The following MCPH1 variants were observed in gnomAD, a reference collection of about 807,000 sequenced individuals.
MCPH1 encodes the protein microcephalin 1.
A neutral mutation model predicts 84.5 loss-of-function variants in MCPH1; 104 were observed. The observed-to-expected ratio is 1.23, with a 90% CI of 1.05 to 1.45. The LOEUF (loss-of-function observed/expected upper bound fraction) is 1.45. Among genes scored for constraint, MCPH1 ranks in the 40% most tolerant of loss-of-function variants. The probability of loss-of-function intolerance (pLI) is 0.00; values close to 1 mark genes in which losing one functional copy is unlikely to be tolerated. For synonymous variants in MCPH1, 514 were observed against 366.8 expected (o/e 1.40, Z -4.58); for missense variants, 1,498 against 1,005.7 (o/e 1.49, Z -6.62).
intron 4 of MCPH1, among the ~76,000 whole-genome samples, chr8:6,434,009 C>A (rs900682659): frequency 1.3e-5 from 2 of 152,252 alleles, no homozygotes; most frequent in East Asian, 3.9e-4. Context: ...ACACATGACC[C>A]GTTTTCCAGC....
intron 9 of MCPH1, among the ~76,000 whole-genome samples, chr8:6,463,474 T>C (rs1034142610): frequency 6.6e-6 from 1 of 152,218 alleles, no homozygotes; most frequent in Non-Finnish European, 1.5e-5. Context: ...GCTCTAATCA[T>C]GTCTTTATTG....
chr8:6,528,878 T>A lies in MCPH1; in HGVS notation c.2214+28949T>A, dbSNP rs150713936. ...TTATCCTTAGAGCTGGTTTAGTTCTTATCACAAAAAGTCTTCTGTGAGAAT... is the reference window on the plus strand; with the variant it reads ...TTATCCTTAGAGCTGGTTTAGTTCTAATCACAAAAAGTCTTCTGTGAGAAT... On this transcript the variant is annotated intron_variant, in intron 12 of 13. Coordinates refer to ENST00000344683, the MANE Select transcript of MCPH1 (RefSeq NM_024596.5). Among the ~76,000 whole-genome samples, 1,234 of 152,350 alleles carry A rather than the reference T, an allele frequency of 8.1e-3. 5 individuals carry two copies. Among genetic ancestry groups the A allele is most frequent in the Middle Eastern group, 0.027 (8 of 294 alleles).
chr8:6,539,011 C>A (rs971052270), intron 12 of MCPH1, among the ~76,000 whole-genome samples: 1 of 144,460 alleles, frequency 6.9e-6, no homozygotes, highest in Non-Finnish European at 1.5e-5. Flanking sequence ...TCTCCTCCCC[C>A]TCCTTTTAGA....
intron 12 of MCPH1, among the ~76,000 whole-genome samples, chr8:6,540,003 G>T (rs1296925023): frequency 2.0e-5 from 3 of 152,168 alleles, no homozygotes; most frequent in African/African-American, 4.8e-5. Context: ...ACTCCAAGAT[G>T]TATTAGGAAA....
chr8:6,644,969 G>C lies in MCPH1; in HGVS notation c.*1920G>C, dbSNP rs1279134301. ...CCCTTATGATACTCATCCTCTAACA[G>C]CAATTGAACTTCAATACAATGAGTC... is the stretch of plus-strand genomic sequence containing the variant. On this transcript the variant is annotated 3_prime_UTR_variant, in exon 14 of 14. Transcript: ENST00000344683. 1 of 152,166 alleles carries C rather than the reference G, an allele frequency of 6.6e-6. No individual in the cohort carries two copies. Among genetic ancestry groups the C allele is most frequent in the Non-Finnish European group, 1.5e-5 (1 of 68,028 alleles). 9.4% of individuals were successfully genotyped at this position (152,166 alleles called of 1,614,324 possible).
chr8:6,417,390 G>C (rs1482596567), intron 3 of MCPH1, among the ~76,000 whole-genome samples: 1 of 83,948 alleles, frequency 1.2e-5, no homozygotes, highest in South Asian at 4.3e-4. Context: ...GCTTGTGTCT[G>C]TGTGGCAGCA....
chr8:6,490,425 G>C (rs969487476), intron 11 of MCPH1, among the ~76,000 whole-genome samples: 4 of 152,082 alleles, frequency 2.6e-5, no homozygotes, highest in East Asian at 1.9e-4. Flanking sequence ...TTATTTCAAG[G>C]CTTCTAAACT....
At chr8:6,453,487 G>T (rs1487538514) in intron 8 of MCPH1, among the ~76,000 whole-genome samples, 1 of 151,228 alleles carries the variant, frequency 6.6e-6, no homozygotes, top group East Asian at 1.9e-4. Context: ...TTTACAGCCT[G>T]TTTCGTTGTT....
At chr8:6,608,528 C>G (rs929522345) in intron 12 of MCPH1, among the ~76,000 whole-genome samples, 4 of 152,162 alleles carry the variant, frequency 2.6e-5, no homozygotes, top group African/African-American at 7.2e-5. Context: ...GGCAGCAGGA[C>G]TCACTTGCTA....
At chr8:6,574,416 C>A (rs1826900720) in intron 12 of MCPH1, among the ~76,000 whole-genome samples, 1 of 152,192 alleles carries the variant, frequency 6.6e-6, no homozygotes, top group African/African-American at 2.4e-5. Context: ...TCCAGGAGGA[C>A]CTCCTCTCAA....
intron 12 of MCPH1, chr8:6,507,994 G>T (rs1455604424): frequency 6.6e-6 from 1 of 152,166 alleles, no homozygotes; most frequent in East Asian, 1.9e-4. Flanking sequence ...GCTTATGAGT[G>T]TGGTTTTCAT....
chr8:6,586,314 G>C (rs1037843270), intron 12 of MCPH1, among the ~76,000 whole-genome samples: 2 of 152,116 alleles, frequency 1.3e-5, no homozygotes, highest in Non-Finnish European at 2.9e-5. Context: ...GACCAACTAA[G>C]TTTCTCAGAC....
chr8:6,477,477 A>C (rs1808626672), intron 9 of MCPH1, 117 bp from the exon 10 acceptor site: 2 of 911,996 alleles, frequency 2.2e-6, no homozygotes, highest in Non-Finnish European at 3.5e-6. Flanking sequence ...CATATGCTTA[A>C]ATGTTTATTT....
intron 11 of MCPH1, among the ~76,000 whole-genome samples, chr8:6,497,881 C>G (rs192703198): frequency 1.1e-4 from 16 of 152,236 alleles, no homozygotes; most frequent in Non-Finnish European, 2.2e-4. Context: ...TTAAGTTGAA[C>G]ACTTAAGGTT....
At chr8:6,437,763 A>G (rs1246064032) in intron 5 of MCPH1, among the ~76,000 whole-genome samples, 1 of 152,090 alleles carries the variant, frequency 6.6e-6, no homozygotes, top group Non-Finnish European at 1.5e-5. Context: ...TCTTCCTGAC[A>G]CTAACCCCCA....
chr8:6,453,629 T>G (rs1177420105), intron 8 of MCPH1, among the ~76,000 whole-genome samples: 3 of 152,198 alleles, frequency 2.0e-5, no homozygotes, highest in African/African-American at 4.8e-5. Flanking sequence ...TTTTCCGATT[T>G]TGACACACTC....
At chr8:6,480,365 C>A (rs2442488) in intron 10 of MCPH1, among the ~76,000 whole-genome samples, 3 of 151,824 alleles carry the variant, frequency 2.0e-5, no homozygotes, top group Non-Finnish European at 4.4e-5. Flanking sequence ...GTGATCCACC[C>A]GCCTCGGCCT....
In MCPH1 at chr8:6,447,451, A is replaced by T. The variant is rs1046866574; in HGVS notation, c.1825+1904A>T. 3.1e-6 allele frequency: 3 copies of T among 983,584 alleles called. No individual in the cohort carries two copies. In the African/African-American group the frequency reaches 5.2e-5, roughly 17 times the overall value. The allele number at this position is 983,584 out of a possible 1,614,324, so 60.9% of individuals were successfully genotyped here. ...CTTGTTGCTGTTGTCAGTATCTAAG[A>T]TACAGTGTAAAAAAGGCTTCAAAAA... On this transcript the variant is annotated intron_variant, in intron 8 of 13. Coordinates refer to ENST00000344683, the MANE Select transcript of MCPH1 (RefSeq NM_024596.5).
chr8:6,529,910 A>C (rs1819138763), intron 12 of MCPH1, among the ~76,000 whole-genome samples: 1 of 151,828 alleles, frequency 6.6e-6, no homozygotes, highest in South Asian at 2.1e-4. Flanking sequence ...ATGACGCAAC[A>C]CAAGTACATC....
Sources: gnomAD v4.1 joint callset for allele counts (sites outside exome capture counted in the v4.1 genomes callset) on GRCh38, gnomAD v4.1.1 for gene constraint, MANE v1.5 for transcripts, NCBI Gene and HGNC (gene_info 2026-07-23, HGNC 2026-07-21) for gene names.